Variants in SLC30A7 observed in about 807,000 individuals in gnomAD.
SLC30A7 encodes solute carrier family 30 member 7.
A neutral mutation model predicts 46.0 loss-of-function variants in SLC30A7; 35 were observed. The ratio of observed to expected loss-of-function variants is 0.76; its 90% CI spans 0.58 to 1.01. The LOEUF (loss-of-function observed/expected upper bound fraction) is 1.01. Among genes scored for constraint, SLC30A7 ranks in the 50% least tolerant of loss-of-function variants. SLC30A7 has a pLI of 0.00. For missense variants in SLC30A7, 464 were observed against 451.1 expected (o/e 1.03, Z -0.26); for synonymous variants, 147 against 157.8 (o/e 0.93, Z 0.51).
chr1:100,923,451 T>C (rs954070656), intron 8 of SLC30A7, among the ~76,000 whole-genome samples: 3 of 152,326 alleles, frequency 2.0e-5, no homozygotes, highest in African/African-American at 7.2e-5. Flanking sequence ...TTTTTTCAAA[T>C]TATTTGAACA....
intron 8 of SLC30A7, among the ~76,000 whole-genome samples, chr1:100,956,898 T>G (rs1655253158): frequency 1.3e-5 from 2 of 152,278 alleles, no homozygotes; most frequent in Non-Finnish European, 2.9e-5. Flanking sequence ...TAAATTCATA[T>G]GTGCCTTCTT....
intron 8 of SLC30A7, among the ~76,000 whole-genome samples, chr1:100,940,339 G>A (rs962474554): frequency 1.5e-4 from 23 of 152,226 alleles, no homozygotes; most frequent in African/African-American, 5.5e-4. Context: ...AAATATTTAC[G>A]GTAGCATGAG....
At chr1:100,915,188 C>CTTTCTTTTCT (rs1553236556) in intron 6 of SLC30A7, among the ~76,000 whole-genome samples, 12 of 123,826 alleles carry the variant, frequency 9.7e-5, no homozygotes, top group South Asian at 5.7e-4. Flanking sequence ...CTTTTCTTTT[C>CTTTCTTTTCT]TTTCTTTTCT....
At chr1:100,951,507 C>T (rs527930933) in intron 8 of SLC30A7, among the ~76,000 whole-genome samples, 10 of 152,294 alleles carry the variant, frequency 6.6e-5, no homozygotes, top group African/African-American at 2.2e-4. Flanking sequence ...AAGAATGGAA[C>T]CCAACTTTTC....
rs372597568 is a variant in SLC30A7 at position 100,938,916 on chromosome 1, TAG to T, written c.842+17082_842+17083del. On this transcript the variant is annotated intron_variant, in intron 8 of 10. Transcript: ENST00000357650. ...GTTACATGGGTATATTGCACCCAGG[TAG>T]AGAGAGTATAGTACCCAATAGGTAG... is the stretch of plus-strand genomic sequence containing the variant. 6.5e-3 allele frequency among the ~76,000 whole-genome samples: 994 copies of T among 152,264 alleles called. 17 individuals carry two copies. Among genetic ancestry groups the T allele is most frequent in the African/African-American group, 0.021 (866 of 41,540 alleles).
chr1:100,991,953 A>G, the SLC30A7 span, among the ~76,000 whole-genome samples: 40 of 151,974 alleles, frequency 2.6e-4, no homozygotes, highest in Non-Finnish European at 5.6e-4. Context: ...CCAAAAACAC[A>G]CAAAGAAATT....
chr1:100,933,156 A>T (rs1653764248), intron 8 of SLC30A7, among the ~76,000 whole-genome samples: 2 of 151,468 alleles, frequency 1.3e-5, no homozygotes, highest in African/African-American at 4.8e-5. Flanking sequence ...TTGTATTTTT[A>T]GTAGAGATGG....
In SLC30A7 at chr1:100,938,089, G is replaced by A. The variant is rs541530160; in HGVS notation, c.842+16248G>A. Among the ~76,000 whole-genome samples, 15 of 152,260 alleles carry A rather than the reference G, an allele frequency of 9.9e-5. No individual in the cohort carries two copies. The South Asian group carries it at 1.9e-3, about 19-fold the overall frequency. ...CTGGGCTGTCTGTTCTATCCCAGTGGTCTATATGTCTGTTTTTATGTCAGT... is the reference window on the plus strand; with the variant it reads ...CTGGGCTGTCTGTTCTATCCCAGTGATCTATATGTCTGTTTTTATGTCAGT... On this transcript the variant is annotated intron_variant, in intron 8 of 10. Transcript: ENST00000357650.
rs565625438 is a variant in SLC30A7, at chr1:100,905,656, G to T, written c.183-1196G>T. 2.5e-4 allele frequency among the ~76,000 whole-genome samples: 38 copies of T among 151,936 alleles called. 2 individuals carry two copies. In the South Asian group the frequency reaches 6.7e-3, roughly 27 times the overall value. Reference sequence around the variant, plus strand: ...TTGTTTAACTTCTTTTGACCTAACTGATTCTTTCTCTCTGTGTCCAGTCTG... The same window carrying T: ...TTGTTTAACTTCTTTTGACCTAACTTATTCTTTCTCTCTGTGTCCAGTCTG... On this transcript the variant is annotated intron_variant, in intron 2 of 10. Transcript: ENST00000357650.
intron 4 of SLC30A7, 79 bp from the exon 5 acceptor site, chr1:100,912,033 T>C: frequency 7.7e-7 from 1 of 1,297,194 alleles, no homozygotes; most frequent in Non-Finnish European, 1.1e-6. Flanking sequence ...TGAAAGTGTT[T>C]AATGTTGTCT....
At chr1:100,909,169 G>T (rs908796203) in intron 3 of SLC30A7, among the ~76,000 whole-genome samples, 2 of 151,996 alleles carry the variant, frequency 1.3e-5, no homozygotes, top group Non-Finnish European at 2.9e-5. Flanking sequence ...TAAACTACTG[G>T]TGTCAGTGAA....
rs1213106807 is a variant in SLC30A7 at position 100,976,580 on chromosome 1, C to T, written c.*1723C>T. ...TTCCCTTATACTTCATTTTACAATA[C>T]ATATTCCCTTTTAACTTAAAAAAAT... is the stretch of plus-strand genomic sequence containing the variant. On this transcript the variant is annotated 3_prime_UTR_variant, in exon 11 of 11. Transcript: ENST00000357650. 1 of 152,150 alleles carries T rather than the reference C, an allele frequency of 6.6e-6. No individual in the cohort carries two copies. The highest frequency in any genetic ancestry group is 2.4e-5 in the African/African-American group (1 of 41,436). 9.4% of individuals were successfully genotyped at this position (152,150 alleles called of 1,614,324 possible). A position where few individuals can be genotyped will look rare whatever the true frequency, so the allele number is the denominator to read the frequency against.
intron 8 of SLC30A7, among the ~76,000 whole-genome samples, chr1:100,948,225 C>T (rs888335301): frequency 6.6e-6 from 1 of 152,158 alleles, no homozygotes; most frequent in African/African-American, 2.4e-5. Context: ...CCTTCAGGAA[C>T]TCTTGTAAGG....
chr1:100,937,552 G>A (rs1654046239), intron 8 of SLC30A7, among the ~76,000 whole-genome samples: 1 of 151,942 alleles, frequency 6.6e-6, no homozygotes, highest in African/African-American at 2.4e-5. Context: ...GTTTTGATTT[G>A]CATTTCCCTA....
chr1:100,959,430 C>G (rs1156822779), intron 8 of SLC30A7, among the ~76,000 whole-genome samples: 1 of 152,186 alleles, frequency 6.6e-6, no homozygotes, highest in South Asian at 2.1e-4. Context: ...GGCTCAGGAT[C>G]TCTCACAAGG....
At chr1:100,993,575 T>TATATATATATATATATATAC in the SLC30A7 span, among the ~76,000 whole-genome samples, 1 of 88,296 alleles carries the variant, frequency 1.1e-5, no homozygotes, top group Non-Finnish European at 2.6e-5. Flanking sequence ...TATATATATA[T>TATATATATATATATATATAC]ATATATATAT....
chr1:100,907,366 C>A lies in SLC30A7; in HGVS notation c.296+401C>A, dbSNP rs1024143131. 1.1e-4 allele frequency among the ~76,000 whole-genome samples: 16 copies of A among 151,870 alleles called. No individual in the cohort carries two copies. In the East Asian group the frequency reaches 2.9e-3, roughly 28 times the overall value. Reference sequence around the variant, plus strand: ...TGGTTTTATATTATGTTCTTTAGCTCTGCTTTTATGTAACAGTTCTTATAT... The same window carrying A: ...TGGTTTTATATTATGTTCTTTAGCTATGCTTTTATGTAACAGTTCTTATAT... On this transcript the variant is annotated intron_variant, in intron 3 of 10. Coordinates refer to ENST00000357650, the MANE Select transcript of SLC30A7 (RefSeq NM_133496.5).
chr1:100,992,189 A>G, the SLC30A7 span, among the ~76,000 whole-genome samples: 18 of 152,316 alleles, frequency 1.2e-4, no homozygotes, highest in African/African-American at 4.1e-4. Flanking sequence ...TAGGAATATA[A>G]GAACAAATTT....
chr1:100,955,584 G>A (rs1655180974), intron 8 of SLC30A7, among the ~76,000 whole-genome samples: 1 of 151,982 alleles, frequency 6.6e-6, no homozygotes, highest in Non-Finnish European at 1.5e-5. Context: ...TTTTGGGTTT[G>A]GATGTAGCTC....
Sources: gnomAD v4.1 joint callset for allele counts (sites outside exome capture counted in the v4.1 genomes callset) on GRCh38, gnomAD v4.1.1 for gene constraint, MANE v1.5 for transcripts, NCBI Gene and HGNC (gene_info 2026-07-23, HGNC 2026-07-21) for gene names.